The following LRRC34 variants were observed in gnomAD, a reference collection of about 807,000 sequenced individuals.
LRRC34 encodes leucine-rich repeat-containing protein 34.
Under a neutral mutation model 48.5 loss-of-function variants are expected in LRRC34, and 44 were observed. The observed-to-expected ratio is 0.91, with a 90% CI of 0.71 to 1.17. The LOEUF is 1.17. Among genes scored for constraint, LRRC34 ranks in the 50% most tolerant of loss-of-function variants. The pLI is 0.00. For synonymous variants in LRRC34, 192 were observed against 197.6 expected, an observed-to-expected ratio of 0.97 and a Z score of 0.24; for missense variants, 502 against 563.0, an observed-to-expected ratio of 0.89 and a Z score of 1.10.
chr3:169,797,166 G>T (rs150161735), intron 7 of LRRC34: 80 of 221,676 alleles, frequency 3.6e-4, no homozygotes, highest in African/African-American at 1.6e-3. Context: ...GGTTAATTTG[G>T]TTTTTTAAAA....
chr3:169,805,398 C>A (rs1297601917), intron 5 of LRRC34, among the ~76,000 whole-genome samples: 1 of 151,946 alleles, frequency 6.6e-6, no homozygotes, highest in Non-Finnish European at 1.5e-5. Flanking sequence ...GTTCCACTTA[C>A]AATAGCATAA....
intron 10 of LRRC34, chr3:169,794,486 C>T (rs1778918584): frequency 6.6e-6 from 1 of 151,334 alleles, no homozygotes; most frequent in Non-Finnish European, 1.5e-5. Flanking sequence ...GATCTCGGCT[C>T]ACTGCAACCC....
chr3:169,804,132 T>C lies in LRRC34; in HGVS notation c.578A>G (p.Asn193Ser), dbSNP rs1235684158. ...YLRMTGNKIE[N>S]KGGMFFAAML... is the part of the protein sequence containing the mutation. ...TGCAGCAAAAAACATTCCACCTTTA[T>C]TTTCAATTTTGTTTCCAGTCATTCT... Residue 193 changes from asparagine (N) to serine (S), a missense_variant, in exon 6 of 11, where the codon AAT (asparagine) becomes AGT (serine). Transcript: ENST00000446859. 1 of 1,606,620 alleles carries C rather than the reference T, an allele frequency of 6.2e-7. No individual in the cohort carries two copies.
intron 7 of LRRC34, 60 bp downstream of exon 7, chr3:169,800,599 T>C: frequency 9.9e-7 from 1 of 1,012,564 alleles, no homozygotes; most frequent in Non-Finnish European, 1.5e-6. Context: ...CATAAACTTG[T>C]AGTAGTACCT....
intron 4 of LRRC34, 104 bp downstream of exon 4, chr3:169,807,318 GAGTC>G: frequency 9.4e-7 from 1 of 1,061,848 alleles, no homozygotes; most frequent in Non-Finnish European, 1.4e-6. Context: ...TTCTAGCACA[GAGTC>G]AGGACCCTTG....
intron 1 of LRRC34, among the ~76,000 whole-genome samples, chr3:169,809,958 C>CT (rs11344572): frequency 0.068 from 9,453 of 138,232 alleles, 737 homozygotes; most frequent in African/African-American, 0.2. Context: ...TTGGAAATTT[C>CT]TTTTTTTTTT....
intron 5 of LRRC34, among the ~76,000 whole-genome samples, chr3:169,804,707 A>G (rs1186525862): frequency 6.6e-6 from 1 of 152,272 alleles, no homozygotes; most frequent in East Asian, 1.9e-4. Flanking sequence ...AGCAATAACC[A>G]GTAAATAAAA....
intron 5 of LRRC34, among the ~76,000 whole-genome samples, chr3:169,806,207 G>GTTA (rs1325153553): frequency 1.3e-5 from 2 of 152,170 alleles, no homozygotes; most frequent in Non-Finnish European, 2.9e-5. Context: ...AACAAATGGT[G>GTTA]TTAGGACACG....
chr3:169,808,770 C>T, intron 1 of LRRC34, 25 bp from the exon 2 acceptor site: 2 of 1,211,806 alleles, frequency 1.7e-6, no homozygotes, highest in South Asian at 2.6e-5. Context: ...CATCCTCTAT[C>T]ACATATAAAT....
In LRRC34 at chr3:169,807,660, G is replaced by T; in HGVS notation, c.307C>A (p.Pro103Thr). 6.2e-7 allele frequency: 1 copy of T among 1,603,094 alleles called. No individual in the cohort carries two copies. The highest frequency in any genetic ancestry group is 8.5e-7 in the Non-Finnish European group (1 of 1,177,756). ...TCTTCACCTGTAACTCTTTCTACTG[G>T]CACTAAGCGATTGTTACCAGCAATG... ...LNIAGNNRLVPVERVTGEDFW... is the reference protein window; with the variant it reads ...LNIAGNNRLVTVERVTGEDFW... The change falls in exon 3 of 11, where the codon CCA (proline) becomes ACA (threonine). Residue 103 changes from proline (P) to threonine (T), a missense_variant. Physicochemically the swap from Pro to Thr is conservative, Grantham distance 38 (BLOSUM62 -1). Transcript: ENST00000446859.
intron 5 of LRRC34, among the ~76,000 whole-genome samples, chr3:169,804,966 T>C (rs544680274): frequency 1.3e-5 from 2 of 152,292 alleles, no homozygotes; most frequent in East Asian, 3.9e-4. Flanking sequence ...TCCTCCTATA[T>C]CACTTTTAAA....
At chr3:169,804,005 T>G in intron 6 of LRRC34, 48 bp downstream of exon 6, 1 of 1,471,580 alleles carries the variant, frequency 6.8e-7, no homozygotes, top group Non-Finnish European at 9.0e-7. Flanking sequence ...TTAGCTGTTC[T>G]CTAATGACCC....
chr3:169,808,422 C>G (rs1779455300), intron 2 of LRRC34, among the ~76,000 whole-genome samples: 1 of 151,934 alleles, frequency 6.6e-6, no homozygotes, highest in Admixed American at 6.6e-5. Flanking sequence ...TTGGGTACTC[C>G]TGGTCTAGTG....
chr3:169,796,036 T>C, intron 9 of LRRC34, 178 bp downstream of exon 9: 1 of 1,293,154 alleles, frequency 7.7e-7, no homozygotes, highest in Non-Finnish European at 9.8e-7. Context: ...TCAGTCTAAT[T>C]GTAAAAGACA....
intron 6 of LRRC34, among the ~76,000 whole-genome samples, chr3:169,803,154 A>G (rs1294812153): frequency 1.3e-5 from 2 of 152,184 alleles, no homozygotes; most frequent in African/African-American, 2.4e-5. Flanking sequence ...ACATGCAAAA[A>G]AACACATTTT....
chr3:169,812,420 C>G lies in LRRC34; in HGVS notation c.129G>C (p.Ala43=), dbSNP rs944598998. The G allele has an allele frequency of 4.4e-5, 68 of 1,528,260 alleles. No individual in the cohort carries two copies. Among genetic ancestry groups the G allele is most frequent in the Non-Finnish European group, 5.7e-5 (65 of 1,144,396 alleles). 94.7% of individuals were successfully genotyped at this position (1,528,260 alleles called of 1,614,324 possible). The part of the protein sequence containing the change: ...TQASTPGAAL[A]VQRESPESGL... ...CTCCCTACTTCTTACCGCGCTGGAC[C>G]GCCAGGGCCGCGCCCGGAGTACTGG... Residue 43 remains alanine (A), a synonymous_variant, in exon 1 of 11, where the codon GCG becomes GCC. Transcript: ENST00000446859. This position sits in a 1 kb window ranked among gnomAD's most constrained non-coding sequence, Gnocchi z 4.3.
At chr3:169,802,069 T>C (rs972926777) in intron 6 of LRRC34, among the ~76,000 whole-genome samples, 3 of 152,234 alleles carry the variant, frequency 2.0e-5, no homozygotes, top group African/African-American at 7.2e-5. Context: ...CCCAAAGTAC[T>C]GGGATTACAG....
rs952161323 is a variant in LRRC34, at chr3:169,812,604, C to T, written c.-56G>A. 1.3e-5 allele frequency: 18 copies of T among 1,418,460 alleles called. No individual in the cohort carries two copies. Among genetic ancestry groups the T allele is most frequent in the Non-Finnish European group, 1.6e-5 (18 of 1,093,264 alleles). The allele number at this position is 1,418,460 out of a possible 1,614,324, so 87.9% of individuals were successfully genotyped here. A position where few individuals can be genotyped will look rare whatever the true frequency, so the allele number is the denominator to read the frequency against. On this transcript the variant is annotated 5_prime_UTR_variant, in exon 1 of 11. Coordinates refer to ENST00000446859, the MANE Select transcript of LRRC34 (RefSeq NM_001172779.2). This position sits in a 1 kb window ranked among gnomAD's most constrained non-coding sequence, Gnocchi z 4.3. Reference sequence around the variant, plus strand: ...GCAGCTGTGAGGCGGCTACACGAGCCTCGGCGCCAGCCTGCTTCGAGTCCC... The same window carrying T: ...GCAGCTGTGAGGCGGCTACACGAGCTTCGGCGCCAGCCTGCTTCGAGTCCC...
intron 7 of LRRC34, among the ~76,000 whole-genome samples, chr3:169,799,094 A>G (rs186443842): frequency 6.6e-6 from 1 of 152,292 alleles, no homozygotes; most frequent in African/African-American, 2.4e-5. Flanking sequence ...TTAAAATAGG[A>G]ATCTATTTGA....
Sources: allele counts gnomAD v4.1 joint callset (sites outside exome capture counted in the v4.1 genomes callset), GRCh38; gene constraint gnomAD v4.1.1; non-coding constraint Gnocchi (gnomAD v3.1); transcripts MANE v1.5; gene names NCBI Gene and HGNC (gene_info 2026-07-23, HGNC 2026-07-21).